DPH6: variants seen among roughly 807,000 people sequenced by gnomAD.
DPH6 encodes diphthine--ammonia ligase.
In DPH6, 33 loss-of-function variants were observed where a neutral mutation model predicts 38.2. That is an observed-to-expected ratio of 0.86 (90% CI 0.65 to 1.15). The LOEUF (loss-of-function observed/expected upper bound fraction) is 1.15, where lower values mean the gene tolerates loss of function less well. DPH6 is among the 50% of genes most tolerant of loss of function. The probability of loss-of-function intolerance (pLI) is 0.00; values close to 1 mark genes in which losing one functional copy is unlikely to be tolerated. For synonymous variants in DPH6, 108 were observed against 103.0 expected (o/e 1.05, Z -0.30); for missense variants, 325 against 320.0 (o/e 1.02, Z -0.12).
At chr15:35,471,624 G>A (rs928766156) in intron 3 of DPH6, among the ~76,000 whole-genome samples, 2 of 151,452 alleles carry the variant, frequency 1.3e-5, no homozygotes, top group African/African-American at 4.9e-5. Context: ...CTTACTCTTC[G>A]TTCAACCCTT....
intron 3 of DPH6, chr15:35,238,303 G>C (rs544281711): frequency 2.4e-4 from 76 of 320,100 alleles, no homozygotes; most frequent in Non-Finnish European, 3.8e-4. Flanking sequence ...AGTAAATGAA[G>C]TCTTGCTGTC....
intron 3 of DPH6, among the ~76,000 whole-genome samples, chr15:35,473,985 CAT>C (rs1218803520): frequency 3.3e-5 from 5 of 150,454 alleles, no homozygotes; most frequent in African/African-American, 7.4e-5. Context: ...CTTTTGTAGA[CAT>C]AAAGTATTTC....
At chr15:35,421,647 C>T (rs1473803477) in intron 5 of DPH6, among the ~76,000 whole-genome samples, 1 of 152,046 alleles carries the variant, frequency 6.6e-6, no homozygotes, top group Admixed American at 6.6e-5. Flanking sequence ...ATGATGAGTA[C>T]TGGAAACTGA....
At chr15:35,381,772 C>T in intron 7 of DPH6, 50 bp downstream of exon 7, 7 of 1,462,662 alleles carry the variant, frequency 4.8e-6, no homozygotes, top group Non-Finnish European at 6.7e-6. Context: ...CAGTTGCTTC[C>T]ATCACTTAAA....
chr15:35,382,407 G>C (rs1340875360), intron 6 of DPH6, among the ~76,000 whole-genome samples: 1 of 151,906 alleles, frequency 6.6e-6, no homozygotes, highest in Non-Finnish European at 1.5e-5. Flanking sequence ...GATCAGCCTG[G>C]GCGACAGAGG....
At chr15:35,286,159 T>C (rs2051942644) in intron 3 of DPH6, among the ~76,000 whole-genome samples, 1 of 152,106 alleles carries the variant, frequency 6.6e-6, no homozygotes, top group South Asian at 2.1e-4. Context: ...ACAGACTAGG[T>C]AGATTAAAAA....
At chr15:35,302,835 C>A (rs1344415748) in intron 3 of DPH6, among the ~76,000 whole-genome samples, 1 of 151,670 alleles carries the variant, frequency 6.6e-6, no homozygotes, top group African/African-American at 2.4e-5. Flanking sequence ...AAATAACCAC[C>A]TGAATTCAAA....
At chr15:35,307,061 T>C (rs978330842) in intron 3 of DPH6, among the ~76,000 whole-genome samples, 1 of 152,140 alleles carries the variant, frequency 6.6e-6, no homozygotes, top group African/African-American at 2.4e-5. Context: ...CACAAAAATA[T>C]GTTTAGTTCA....
intron 3 of DPH6, among the ~76,000 whole-genome samples, chr15:35,516,667 G>T (rs1417329553): frequency 6.6e-6 from 1 of 152,080 alleles, no homozygotes; most frequent in African/African-American, 2.4e-5. Context: ...ATCATTAAAG[G>T]ATAAAAACAT....
chr15:35,428,000 T>C (rs1485588127), intron 5 of DPH6, among the ~76,000 whole-genome samples: 1 of 151,868 alleles, frequency 6.6e-6, no homozygotes, highest in Non-Finnish European at 1.5e-5. Context: ...GAAGGGAAGA[T>C]GAGCTCCCAA....
chr15:35,546,011 C>T (rs1410999222), intron 1 of DPH6, 108 bp downstream of exon 1: 2 of 1,051,326 alleles, frequency 1.9e-6, no homozygotes, highest in Non-Finnish European at 2.5e-6. Context: ...CCGCGGAACC[C>T]CCAACGCGCG....
At chr15:35,357,933 T>C (rs896454918) in intron 3 of DPH6, among the ~76,000 whole-genome samples, 1 of 152,094 alleles carries the variant, frequency 6.6e-6, no homozygotes, top group Non-Finnish European at 1.5e-5. Context: ...TCTGGGTCTC[T>C]AGCAAGGCTG....
At chr15:35,152,098 T>A in the DPH6 span, among the ~76,000 whole-genome samples, 2 of 152,262 alleles carry the variant, frequency 1.3e-5, no homozygotes, top group Non-Finnish European at 2.9e-5. Flanking sequence ...GTGTTTTTAA[T>A]CTTTATTTAG....
chr15:35,261,650 T>C (rs2051747519), intron 3 of DPH6, among the ~76,000 whole-genome samples: 1 of 151,834 alleles, frequency 6.6e-6, no homozygotes, highest in African/African-American at 2.4e-5. Flanking sequence ...CTGGGCAATA[T>C]AGTGGGACCT....
At chr15:35,164,276 C>T in the DPH6 span, among the ~76,000 whole-genome samples, 7 of 151,856 alleles carry the variant, frequency 4.6e-5, no homozygotes, top group African/African-American at 1.7e-4. Flanking sequence ...CCAAATTTAG[C>T]TACTTTCATT....
At chr15:35,178,668 A>C in the DPH6 span, among the ~76,000 whole-genome samples, 1 of 152,180 alleles carries the variant, frequency 6.6e-6, no homozygotes, top group Non-Finnish European at 1.5e-5. Flanking sequence ...GTTGGCTTCA[A>C]GAATTAGAAA....
intron 5 of DPH6, among the ~76,000 whole-genome samples, chr15:35,428,717 C>A (rs1566906248): frequency 6.6e-6 from 1 of 152,078 alleles, no homozygotes; most frequent in Non-Finnish European, 1.5e-5. Flanking sequence ...TTGTGAATTG[C>A]TATAAAAATC....
At chr15:35,238,722 G>C (rs1318070863) in intron 3 of DPH6, among the ~76,000 whole-genome samples, 2 of 152,112 alleles carry the variant, frequency 1.3e-5, no homozygotes, top group Non-Finnish European at 2.9e-5. Flanking sequence ...AATCACAAAA[G>C]AAGTGAAAAG....
At chr15:35,214,107 G>A (rs185496186), downstream of DPH6, among the ~76,000 whole-genome samples, 6 of 137,834 alleles carry the variant, frequency 4.4e-5, no homozygotes, top group South Asian at 2.3e-4. Flanking sequence ...GCGAGACTCC[G>A]TCTCAAAAAA....
Sources: allele counts gnomAD v4.1 joint callset (sites outside exome capture counted in the v4.1 genomes callset), GRCh38; gene constraint gnomAD v4.1.1; transcripts MANE v1.5; gene names NCBI Gene and HGNC (gene_info 2026-07-23, HGNC 2026-07-21).